Variants in PDILT observed in about 807,000 individuals in gnomAD.
PDILT encodes the protein protein disulfide-isomerase-like protein of the testis.
In PDILT, 43 loss-of-function variants were observed where a neutral mutation model predicts 53.7. The ratio of observed to expected loss-of-function variants is 0.80; its 90% CI spans 0.63 to 1.03. The LOEUF (loss-of-function observed/expected upper bound fraction) is 1.03, where lower values mean the gene tolerates loss of function less well. Among genes scored for constraint, PDILT ranks in the 50% least tolerant of loss-of-function variants. The pLI, the probability that PDILT is intolerant of heterozygous loss-of-function variation, is 0.00. For synonymous variants in PDILT, 282 were observed against 274.2 expected (o/e 1.03, Z -0.28); for missense variants, 727 against 712.3 (o/e 1.02, Z -0.24).
chr16:20,376,926 G>C (rs1000795407), intron 3 of PDILT, among the ~76,000 whole-genome samples: 1 of 152,216 alleles, frequency 6.6e-6, no homozygotes, highest in Non-Finnish European at 1.5e-5. Flanking sequence ...AGTTTCACAT[G>C]ATGGAAAGTA....
At chr16:20,377,770 C>G (rs770442742) in intron 3 of PDILT, among the ~76,000 whole-genome samples, 5 of 151,982 alleles carry the variant, frequency 3.3e-5, no homozygotes, top group Admixed American at 6.6e-5. Context: ...CTGGCTAACA[C>G]AGTGAAACCC....
At chr16:20,387,498 A>G (rs935327051) in intron 2 of PDILT, among the ~76,000 whole-genome samples, 8 of 152,166 alleles carry the variant, frequency 5.3e-5, no homozygotes, top group African/African-American at 1.9e-4. Context: ...GGGCCAGGGG[A>G]CAGGTGATGT....
chr16:20,396,334 G>C (rs984920169), intron 2 of PDILT, among the ~76,000 whole-genome samples: 2 of 152,180 alleles, frequency 1.3e-5, no homozygotes, highest in Admixed American at 6.5e-5. Context: ...TGTTGCATAA[G>C]AACCAAGATG....
At chr16:20,385,925 A>T (rs1033756860) in intron 2 of PDILT, 1 of 152,192 alleles carries the variant, frequency 6.6e-6, no homozygotes, top group Admixed American at 6.5e-5. Flanking sequence ...AGAGCTCATG[A>T]GCGCCATCTG....
chr16:20,364,503 A>C (rs1218972265), intron 9 of PDILT, among the ~76,000 whole-genome samples: 3 of 152,208 alleles, frequency 2.0e-5, no homozygotes, highest in Non-Finnish European at 2.9e-5. Flanking sequence ...CATGGGGAAA[A>C]CCACCATACC....
At chr16:20,386,776 G>A (rs1262996454) in intron 2 of PDILT, among the ~76,000 whole-genome samples, 8 of 152,208 alleles carry the variant, frequency 5.3e-5, no homozygotes, top group Non-Finnish European at 1.2e-4. Flanking sequence ...CTGGTCCATG[G>A]GGCTCTCCCC....
At chr16:20,379,535 G>A (rs749313729) in intron 3 of PDILT, among the ~76,000 whole-genome samples, 2 of 152,008 alleles carry the variant, frequency 1.3e-5, no homozygotes, top group Non-Finnish European at 2.9e-5. Context: ...GGCCAGTCTC[G>A]AACTCCTGGG....
At chr16:20,370,258 T>TC (rs1164701926) in intron 7 of PDILT, among the ~76,000 whole-genome samples, 1 of 152,176 alleles carries the variant, frequency 6.6e-6, no homozygotes, top group Non-Finnish European at 1.5e-5. Context: ...ATCCCTGCCC[T>TC]CAAGGAGTTT....
rs1966209910 is a variant in PDILT at position 20,367,024 on chromosome 16, C to CTTCTTTCTTTCTTTCTTTTCTCTCT, written c.1117-1485_1117-1484insAGAGAGAAAAGAAAGAAAGAAAGAA. 9.2e-5 allele frequency among the ~76,000 whole-genome samples: 7 copies of CTTCTTTCTTTCTTTCTTTTCTCTCT among 76,188 alleles called. 1 individual carries two copies. Among genetic ancestry groups the CTTCTTTCTTTCTTTCTTTTCTCTCT allele is most frequent in the Admixed American group, 3.1e-4 (2 of 6,444 alleles). The allele number at this position is 76,188 out of a possible 152,430, so 50.0% of individuals were successfully genotyped here. On this transcript the variant is annotated intron_variant, in intron 8 of 11. Coordinates refer to ENST00000302451, the MANE Select transcript of PDILT (RefSeq NM_174924.2). Reference sequence around the variant, plus strand: ...TCTTTATTTATTTCTCTCTCTCTTTCTTCTTTCTTTCTTTCTTTCTTTCTT... The same window carrying CTTCTTTCTTTCTTTCTTTTCTCTCT: ...TCTTTATTTATTTCTCTCTCTCTTTCTTCTTTCTTTCTTTCTTTTCTCTCTTTCTTTCTTTCTTTCTTTCTTTCTT...
intron 2 of PDILT, among the ~76,000 whole-genome samples, chr16:20,394,998 A>G (rs1338846013): frequency 6.6e-6 from 1 of 152,230 alleles, no homozygotes; most frequent in Non-Finnish European, 1.5e-5. Context: ...ATAACTAGTC[A>G]AAATTAGAGC....
At chr16:20,381,403 G>A (rs1002501830) in intron 3 of PDILT, among the ~76,000 whole-genome samples, 1 of 152,176 alleles carries the variant, frequency 6.6e-6, no homozygotes, top group South Asian at 2.1e-4. Flanking sequence ...TTGGGAGGCC[G>A]AGACAGGTGG....
chr16:20,370,370 G>C (rs1349445731), intron 7 of PDILT, among the ~76,000 whole-genome samples: 1 of 152,214 alleles, frequency 6.6e-6, no homozygotes, highest in African/African-American at 2.4e-5. Context: ...ATGTGATAGA[G>C]AGTAACTGCC....
intron 2 of PDILT, among the ~76,000 whole-genome samples, chr16:20,389,160 C>T (rs1966576071): frequency 6.6e-6 from 1 of 152,098 alleles, no homozygotes; most frequent in Non-Finnish European, 1.5e-5. Context: ...CCCAACTTCT[C>T]TCAGGCCCTA....
chr16:20,396,396 A>G (rs1301035256), intron 2 of PDILT, among the ~76,000 whole-genome samples: 1 of 152,236 alleles, frequency 6.6e-6, no homozygotes, highest in Admixed American at 6.5e-5. Flanking sequence ...AATGCTTGGC[A>G]TGAGGTCTTT....
At chr16:20,403,187 G>C (rs191112162) in intron 1 of PDILT, among the ~76,000 whole-genome samples, 24 of 152,222 alleles carry the variant, frequency 1.6e-4, no homozygotes, top group African/African-American at 5.5e-4. Context: ...GTGGTTTCCC[G>C]CCAAGAGGGT....
chr16:20,376,060 C>T lies in PDILT; in HGVS notation c.543+8G>A, dbSNP rs1470501643. Reference sequence around the variant, plus strand: ...TGAAAGCCTCCTCCCACCTCTTGGTCCCAGTACCTGGAAGAAGCCAACGAT... The same window carrying T: ...TGAAAGCCTCCTCCCACCTCTTGGTTCCAGTACCTGGAAGAAGCCAACGAT... On this transcript the variant is annotated splice_region_variant and intron_variant, in intron 4 of 11. Coordinates refer to ENST00000302451, the MANE Select transcript of PDILT (RefSeq NM_174924.2). 1 of 1,613,896 alleles carries T rather than the reference C, an allele frequency of 6.2e-7. No homozygotes were observed. The highest frequency in any genetic ancestry group is 8.5e-7 in the Non-Finnish European group (1 of 1,179,966).
intron 3 of PDILT, among the ~76,000 whole-genome samples, chr16:20,379,378 G>A (rs1966429426): frequency 1.3e-5 from 2 of 152,034 alleles, no homozygotes; most frequent in Non-Finnish European, 2.9e-5. Flanking sequence ...TCACCATGTT[G>A]GCCAGGCTGG....
intron 3 of PDILT, among the ~76,000 whole-genome samples, chr16:20,380,826 G>A (rs1966451545): frequency 6.6e-6 from 1 of 152,210 alleles, no homozygotes; most frequent in African/African-American, 2.4e-5. Context: ...GAGGAAACTT[G>A]ATCTTGGGCC....
chr16:20,397,929 A>G (rs1966682876), intron 2 of PDILT, among the ~76,000 whole-genome samples: 1 of 152,128 alleles, frequency 6.6e-6, no homozygotes, highest in Non-Finnish European at 1.5e-5. Flanking sequence ...TTCCAAATCC[A>G]GTGTTCACAC....
Sources: gnomAD v4.1 joint callset for allele counts (sites outside exome capture counted in the v4.1 genomes callset) on GRCh38, gnomAD v4.1.1 for gene constraint, MANE v1.5 for transcripts, NCBI Gene and HGNC (gene_info 2026-07-23, HGNC 2026-07-21) for gene names.